GREB1: variants seen among roughly 807,000 people sequenced by gnomAD.
GREB1 encodes protein GREB1.
In GREB1, 106 loss-of-function variants were observed where a neutral mutation model predicts 200.7. That is an observed-to-expected ratio of 0.53 (90% CI 0.45 to 0.62). The LOEUF (loss-of-function observed/expected upper bound fraction) is 0.62, where lower values mean the gene tolerates loss of function less well. Ranked by LOEUF, GREB1 falls within the 20% of genes least tolerant of loss-of-function variation. The pLI, the probability that GREB1 is intolerant of heterozygous loss-of-function variation, is 0.00. For synonymous variants in GREB1, 1,132 were observed against 1,092.4 expected, an observed-to-expected ratio of 1.04 and a Z score of -0.72; for missense variants, 2,243 against 2,556.8, an observed-to-expected ratio of 0.88 and a Z score of 2.65.
intron 1 of GREB1, among the ~76,000 whole-genome samples, chr2:11,523,155 A>G (rs911700125): frequency 1.3e-5 from 2 of 152,180 alleles, no homozygotes; most frequent in African/African-American, 2.4e-5. Context: ...CAATGTTCTC[A>G]CTTATAAATG....
intron 29 of GREB1, 84 bp from the exon 30 acceptor site, chr2:11,635,186 G>A: frequency 6.5e-7 from 1 of 1,529,722 alleles, no homozygotes; most frequent in Non-Finnish European, 9.0e-7. Flanking sequence ...CTACGATGGG[G>A]ACCCACACTC....
intron 30 of GREB1, 26 bp from the exon 31 acceptor site, chr2:11,637,690 G>T: frequency 6.2e-7 from 1 of 1,609,062 alleles, no homozygotes. Flanking sequence ...GGGCAGTAGT[G>T]GCCTGACACC....
In GREB1 at chr2:11,515,296, T is replaced by C. The variant is rs138472064; in HGVS notation, c.-159+32915T>C. 2.7e-3 allele frequency among the ~76,000 whole-genome samples: 406 copies of C among 152,268 alleles called. 3 individuals carry two copies. The highest frequency in any genetic ancestry group is 9.6e-3 in the African/African-American group (398 of 41,566). ...CAGAGGGAACAGAGATTGAATTGGA[T>C]AGAGATGATGTGCTCAAAGAACAGA... On this transcript the variant is annotated intron_variant, in intron 1 of 2. Coordinates refer to the GREB1 transcript ENST00000628795.
intron 4 of GREB1, among the ~76,000 whole-genome samples, chr2:11,568,378 G>A (rs1677908455): frequency 1.3e-5 from 2 of 152,210 alleles, no homozygotes; most frequent in African/African-American, 4.8e-5. Context: ...GCAGGTGAAT[G>A]CTCACTCGAG....
intron 1 of GREB1, among the ~76,000 whole-genome samples, chr2:11,503,591 C>T (rs1036242190): frequency 7.9e-5 from 12 of 152,254 alleles, no homozygotes; most frequent in Admixed American, 1.3e-4. Context: ...CCAAATTGCT[C>T]GCTAGCGTGG....
chr2:11,553,774 C>A (rs1006913505), intron 1 of GREB1, among the ~76,000 whole-genome samples: 3 of 152,152 alleles, frequency 2.0e-5, no homozygotes, highest in Non-Finnish European at 2.9e-5. Flanking sequence ...TACATCAGGC[C>A]TACATGTCCC....
chr2:11,558,370 C>G (rs933355000), intron 2 of GREB1, among the ~76,000 whole-genome samples: 12 of 152,236 alleles, frequency 7.9e-5, no homozygotes, highest in African/African-American at 2.7e-4. Flanking sequence ...ATTCCGACAG[C>G]TCAGGGTGCC....
At chr2:11,617,214 C>T (rs1024763378) in intron 21 of GREB1, among the ~76,000 whole-genome samples, 5 of 152,222 alleles carry the variant, frequency 3.3e-5, no homozygotes, top group Non-Finnish European at 7.3e-5. Context: ...CAACCACAGG[C>T]TCCACACGGT....
chr2:11,627,212 C>T (rs1684537936), intron 25 of GREB1, 108 bp downstream of exon 25: 3 of 1,033,538 alleles, frequency 2.9e-6, no homozygotes, highest in East Asian at 5.5e-5. Flanking sequence ...GTTCTGGAAG[C>T]CCTGGCTTCC....
chr2:11,589,901 C>G (rs1232629161), intron 10 of GREB1, among the ~76,000 whole-genome samples: 1 of 152,110 alleles, frequency 6.6e-6, no homozygotes, highest in East Asian at 1.9e-4. Context: ...GTACAAGATG[C>G]CCACGAGACA....
Position 11,591,394 on chromosome 2 carries a change from A to C in GREB1, c.1346-1382A>C, listed in dbSNP as rs748264310. The C allele has an allele frequency of 1.1e-5, 8 of 734,228 alleles. No individual in the cohort carries two copies. The Admixed American group carries it at 1.2e-4, about 11-fold the overall frequency. The allele number at this position is 734,228 out of a possible 1,614,324, so 45.5% of individuals were successfully genotyped here. On this transcript the variant is annotated intron_variant, in intron 10 of 32. Transcript: ENST00000381486. ...ATGGAAGCCTGACGCACTTTCTTCC[A>C]GCACATCAAATACGAAATCCGGACG...
rs1032289035 is a variant in GREB1 at position 11,545,198 on chromosome 2, C to T, written c.-162+10944C>T. ...TGTCCCGGGCTGGAGGGCAATGGCA[C>T]GATCTCGCTCACTGCAACCTTCGCC... On this transcript the variant is annotated intron_variant, in intron 1 of 32. Transcript: ENST00000381486. Among the ~76,000 whole-genome samples the T allele has an allele frequency of 5.3e-5, 8 of 151,956 alleles. No individual in the cohort carries two copies. The East Asian group carries it at 1.4e-3, about 26-fold the overall frequency.
chr2:11,592,644 C>G lies in GREB1; in HGVS notation c.1346-132C>G, dbSNP rs759138278. 281 of 565,664 alleles carry G rather than the reference C, an allele frequency of 5.0e-4. 1 individual carries two copies. The highest frequency in any genetic ancestry group is 7.0e-4 in the Non-Finnish European group (237 of 339,204). 35.0% of individuals were successfully genotyped at this position (565,664 alleles called of 1,614,324 possible). A position where few individuals can be genotyped will look rare whatever the true frequency, so the allele number is the denominator to read the frequency against. On this transcript the variant is annotated intron_variant, in intron 10 of 32. Coordinates refer to ENST00000381486, the MANE Select transcript of GREB1 (RefSeq NM_014668.4). Reference sequence around the variant, plus strand: ...GATTGTGGCGGATTTTATGCCCTCCCCTCGTGCTCCAGCCATCTGTGATAC... The same window carrying G: ...GATTGTGGCGGATTTTATGCCCTCCGCTCGTGCTCCAGCCATCTGTGATAC...
intron 17 of GREB1, among the ~76,000 whole-genome samples, chr2:11,607,970 C>T (rs1682560076): frequency 6.6e-6 from 1 of 152,140 alleles, no homozygotes; most frequent in Admixed American, 6.5e-5. Context: ...TATCTCACTG[C>T]ACAGTGTCTT....
intron 1 of GREB1, among the ~76,000 whole-genome samples, chr2:11,551,364 C>T (rs1488981089): frequency 6.6e-6 from 1 of 152,216 alleles, no homozygotes; most frequent in Non-Finnish European, 1.5e-5. Flanking sequence ...TATCAAAGGT[C>T]CTATTGAAAG....
In GREB1 at chr2:11,640,231, C is replaced by T. The variant is rs976145581; in HGVS notation, c.5687-60C>T. 11 of 1,526,106 alleles carry T rather than the reference C, an allele frequency of 7.2e-6. No individual in the cohort carries two copies. Among genetic ancestry groups the T allele is most frequent in the East Asian group, 6.8e-5 (3 of 43,864 alleles). The allele number at this position is 1,526,106 out of a possible 1,614,324, so 94.5% of individuals were successfully genotyped here. ...TCATTGCAAGTAGAATCCGGGCAGC[C>T]GCTTTCCTCTGGATAAACTCACCTT... On this transcript the variant is annotated intron_variant, in intron 32 of 32. Transcript: ENST00000381486. The surrounding 1 kb of genome is among the most constrained non-coding windows in gnomAD (Gnocchi z 4.6).
In GREB1 at chr2:11,588,881, T is replaced by C. The variant is rs1259873854; in HGVS notation, c.1295T>C (p.Ile432Thr). The change falls in exon 10 of 33, where the codon ATC becomes ACC. Residue 432 changes from isoleucine to threonine, a missense_variant. Ile to Thr is a moderately conservative substitution (Grantham distance 89). This residue lies in a region of GREB1 where 1,178 missense variants were observed against 1,387.4 expected (regional missense o/e 0.85). Transcript: ENST00000381486. ...EQYGASAIQP[I>T]SEEMQLLLTV... is the part of the protein sequence containing the mutation. Reference sequence around the variant, plus strand: ...TACGGCGCCTCTGCCATCCAGCCCATCTCCGAGGAGATGCAGCTCCTGCTT... The same window carrying C: ...TACGGCGCCTCTGCCATCCAGCCCACCTCCGAGGAGATGCAGCTCCTGCTT... 1 of 1,614,144 alleles carries C rather than the reference T, an allele frequency of 6.2e-7. No individual in the cohort carries two copies. The highest frequency in any genetic ancestry group is 1.7e-5 in the Admixed American group (1 of 60,022).
At position 11,615,272 on chromosome 2, in the gene GREB1, G is replaced by A. The variant is rs767793868; in HGVS notation, c.3304G>A (p.Glu1102Lys). ...GCTGAGCAGCACAGACAACGAGGAT[G>A]AGGAGCTGGGGACAGAAGGTGAGGG... ...EKLSSTDNED[E>K]ELGTEGSTSE... The change falls in exon 20 of 33, where the codon GAG becomes AAG. Residue 1102 changes from glutamate to lysine, a missense_variant. By Grantham distance (56) the Glu-to-Lys change is moderately conservative. Transcript: ENST00000381486. The A allele has an allele frequency of 5.0e-6, 8 of 1,593,138 alleles. No individual in the cohort carries two copies. Among genetic ancestry groups the A allele is most frequent in the African/African-American group, 1.3e-5 (1 of 74,562 alleles).
In GREB1 at chr2:11,548,782, C is replaced by T. The variant is rs889974048; in HGVS notation, c.-161-7672C>T. 6.6e-6 allele frequency among the ~76,000 whole-genome samples: 1 copy of T among 152,046 alleles called. No homozygotes were observed. The highest frequency in any genetic ancestry group is 2.4e-5 in the African/African-American group (1 of 41,376). On this transcript the variant is annotated intron_variant, in intron 1 of 32. Transcript: ENST00000381486. This position sits in a 1 kb window ranked among gnomAD's most constrained non-coding sequence, Gnocchi z 5.1. Reference sequence around the variant, plus strand: ...TCACAATTGTTAATTTACACCACTCCCCAGTAGTTTCTTGAGAAAGTGAAC... The same window carrying T: ...TCACAATTGTTAATTTACACCACTCTCCAGTAGTTTCTTGAGAAAGTGAAC...
Sources: gnomAD v4.1 joint callset for allele counts (sites outside exome capture counted in the v4.1 genomes callset) on GRCh38, gnomAD v4.1.1 for gene constraint, gnomAD v4.1.1 regional missense constraint, Gnocchi (gnomAD v3.1) non-coding constraint, MANE v1.5 for transcripts, NCBI Gene and HGNC (gene_info 2026-07-23, HGNC 2026-07-21) for gene names.